Variants in NCL observed in about 807,000 individuals in gnomAD.
The protein encoded by NCL is nucleolin multifunctional protein.
In NCL, 4 loss-of-function variants were observed where a neutral mutation model predicts 77.7. That is an observed-to-expected ratio of 0.05 (90% confidence interval 0.03 to 0.12). NCL has a LOEUF of 0.12. NCL is among the 10% of genes least tolerant of loss of function. The pLI is 1.00. For synonymous variants in NCL, 344 were observed against 297.8 expected (o/e 1.16, Z -1.60); for missense variants, 763 against 860.9 (o/e 0.89, Z 1.42).
chr2:231,460,299 C>T lies in NCL; in HGVS notation c.899-6G>A. The T allele has an allele frequency of 1.2e-6, 2 of 1,612,950 alleles. No homozygotes were observed. Among genetic ancestry groups the T allele is most frequent in the African/African-American group, 1.3e-5 (1 of 74,914 alleles). On this transcript the variant is annotated splice_polypyrimidine_tract_variant and splice_region_variant and intron_variant, in intron 5 of 13. Transcript: ENST00000322723. Reference sequence around the variant, plus strand: ...AGCCGTAGTCGGTTCTGTGCCTGCACAAAAAAAGCTCAACTCAGTCTACTT... The same window carrying T: ...AGCCGTAGTCGGTTCTGTGCCTGCATAAAAAAAGCTCAACTCAGTCTACTT...
chr2:231,462,128 T>A, intron 2 of NCL, 111 bp from the exon 3 acceptor site: 1 of 1,311,658 alleles, frequency 7.6e-7, no homozygotes, highest in Non-Finnish European at 1.1e-6. Context: ...CAAGACCACA[T>A]GCACTAGACA....
In NCL at chr2:231,461,731, T is replaced by C. The variant is rs1387963458; in HGVS notation, c.422A>G (p.Lys141Arg). Residue 141 changes from lysine to arginine, a missense_variant, in exon 3 of 14, where the codon AAG (lysine) becomes AGG (arginine). Around this residue, in one of 2 missense-constraint regions of NCL, gnomAD observed 590 missense variants for 570.5 expected, o/e 1.03. Coordinates refer to ENST00000322723, the MANE Select transcript of NCL (RefSeq NM_005381.3). ...AKGAKNGKNA[K>R]KEDSDEEEDD... Reference sequence around the variant, plus strand: ...CTCCTCTTCATCACTGTCTTCCTTCTTGGCATTCTTGCCATTCTTTGCCCC... The same window carrying C: ...CTCCTCTTCATCACTGTCTTCCTTCCTGGCATTCTTGCCATTCTTTGCCCC... The C allele has an allele frequency of 6.2e-7, 1 of 1,614,140 alleles. No individual in the cohort carries two copies. The highest frequency in any genetic ancestry group is 1.3e-5 in the African/African-American group (1 of 74,952).
chr2:231,457,844 A>C (rs1170894396), intron 8 of NCL, 44 bp from the exon 9 acceptor site: 1 of 1,531,578 alleles, frequency 6.5e-7, no homozygotes, highest in Non-Finnish European at 8.8e-7. Flanking sequence ...AAACCATATT[A>C]ACACAAATGC....
At position 231,462,008 on chromosome 2, in the gene NCL, G is replaced by A. The variant is rs911164959; in HGVS notation, c.145C>T (p.Pro49Ser). The change falls in exon 3 of 14, where the codon CCT becomes TCT. Residue 49 changes from proline to serine, a missense_variant. By Grantham distance (74) the Pro-to-Ser change is moderately conservative. Transcript: ENST00000322723. ...DDSSGEEVVIPQKKGKKAAAT... is the reference protein window; with the variant it reads ...DDSSGEEVVISQKKGKKAAAT... ...GCAGCCTTCTTGCCTTTCTTCTGAG[G>A]TATGACGACCTTGAGAATAAATGAA... 4.3e-6 allele frequency: 7 copies of A among 1,613,934 alleles called. No individual in the cohort carries two copies. Among genetic ancestry groups the A allele is most frequent in the Non-Finnish European group, 5.1e-6 (6 of 1,180,018 alleles).
intron 6 of NCL, among the ~76,000 whole-genome samples, chr2:231,459,620 A>G (rs1343027070): frequency 6.6e-6 from 1 of 151,802 alleles, no homozygotes; most frequent in Admixed American, 6.6e-5. Context: ...CCAAATTATT[A>G]AAACTTACTG....
intron 7 of NCL, 160 bp downstream of exon 7, chr2:231,458,841 G>T: frequency 1.3e-6 from 1 of 796,094 alleles, no homozygotes; most frequent in Non-Finnish European, 1.8e-6. Context: ...AAGTACTCTT[G>T]TAAACACTGT....
chr2:231,463,539 C>T (rs1244537323), intron 1 of NCL: 7 of 527,768 alleles, frequency 1.3e-5, no homozygotes, highest in Non-Finnish European at 2.3e-5. Context: ...GAAAACCTGC[C>T]CTAAGGTAAA....
At position 231,461,679 on chromosome 2, in the gene NCL, C is replaced by A. The variant is rs776805105; in HGVS notation, c.474G>T (p.Glu158Asp). The A allele has an allele frequency of 2.5e-6, 4 of 1,611,940 alleles. No individual in the cohort carries two copies. In the African/African-American group the frequency reaches 4.0e-5, roughly 16 times the overall value. Residue 158 changes from glutamate to aspartate, a missense_variant, in exon 3 of 14, where the codon GAG (glutamate) becomes GAT (aspartate). Physicochemically the swap from Glu to Asp is conservative, Grantham distance 45 (BLOSUM62 2). This residue lies in a region of NCL where 590 missense variants were observed against 570.5 expected (regional missense o/e 1.03). Coordinates refer to ENST00000322723, the MANE Select transcript of NCL (RefSeq NM_005381.3). The stretch of plus-strand genomic sequence containing the variant: ...CATCCTCATCCTCGTCCTCGTCATC[C>A]TCCTCATCCTCCTCACTGTCATCAT... ...EEDDDSEEDE[E>D]DDEDEDEDED...
rs2046897525 is a variant in NCL at position 231,457,084 on chromosome 2, A to G, written c.1488T>C (p.Ser496=). ...KTLVLSNLSY[S]ATEETLQEVF... Reference sequence around the variant, plus strand: ...CTTCCTGAAGAGTTTCTTCTGTTGCACTGTAGGAGAGGTTGCTTAAAACCA... The same window carrying G: ...CTTCCTGAAGAGTTTCTTCTGTTGCGCTGTAGGAGAGGTTGCTTAAAACCA... Residue 496 remains serine (S), a synonymous_variant, in exon 10 of 14, where the codon AGT becomes AGC. Transcript: ENST00000322723. 6.2e-7 allele frequency: 1 copy of G among 1,614,090 alleles called. No individual in the cohort carries two copies. Among genetic ancestry groups the G allele is most frequent in the East Asian group, 2.2e-5 (1 of 44,878 alleles).
intron 3 of NCL, among the ~76,000 whole-genome samples, 182 bp from the exon 4 acceptor site, chr2:231,461,048 G>A (rs1029715667): frequency 6.6e-6 from 1 of 152,292 alleles, no homozygotes; most frequent in South Asian, 2.1e-4. Flanking sequence ...GGAGACCAAG[G>A]TGGGTGGATC....
At chr2:231,462,649 C>G (rs1468400663) in intron 2 of NCL, 1 of 469,492 alleles carries the variant, frequency 2.1e-6, no homozygotes, top group African/African-American at 2.0e-5. Context: ...AACGAGAAAC[C>G]TGAGCACAAT....
Position 231,454,992 on chromosome 2 carries a change from T to TTAAA in NCL, c.*195_*198dup. On this transcript the variant is annotated 3_prime_UTR_variant, in exon 14 of 14. Transcript: ENST00000322723. ...AGGGTTAGCTCTATCACTCAACTCTTTAAAAAGTTTATATGAATATCCAGT... is the reference window on the plus strand; with the variant it reads ...AGGGTTAGCTCTATCACTCAACTCTTTAAATAAAAAGTTTATATGAATATCCAGT... 1 of 567,872 alleles carries TTAAA rather than the reference T, an allele frequency of 1.8e-6. No homozygotes were observed. The highest frequency in any genetic ancestry group is 3.1e-6 in the Non-Finnish European group (1 of 322,206). 35.2% of individuals were successfully genotyped at this position (567,872 alleles called of 1,614,324 possible). A position where few individuals can be genotyped will look rare whatever the true frequency, so the allele number is the denominator to read the frequency against.
In NCL at chr2:231,460,703, T is replaced by G; in HGVS notation, c.777A>C (p.Glu259Asp). The change falls in exon 4 of 14, where the codon GAA becomes GAC. Residue 259 changes from glutamate to aspartate, a missense_variant. By Grantham distance (45) the Glu-to-Asp change is conservative (BLOSUM62 2). This residue lies in a region of NCL where 590 missense variants were observed against 570.5 expected (regional missense o/e 1.03). Transcript: ENST00000322723. Reference sequence around the variant, plus strand: ...CCTCTTCTTCCTCCTCCTCATCATCTTCATCATCATCATCTTCATCATCTT... The same window carrying G: ...CCTCTTCTTCCTCCTCCTCATCATCGTCATCATCATCATCTTCATCATCTT... ...DDEDDEDDDD[E>D]DDEEEEEEEE... 6.2e-7 allele frequency: 1 copy of G among 1,607,630 alleles called. No individual in the cohort carries two copies. Among genetic ancestry groups the G allele is most frequent in the Admixed American group, 1.7e-5 (1 of 59,970 alleles).
rs571942921 is a variant in NCL at position 231,454,049 on chromosome 2, G to A, written c.*1142C>T. On this transcript the variant is annotated 3_prime_UTR_variant, in exon 14 of 14. Transcript: ENST00000322723. ...AGAAAGAATAAGCAATATACGTAGT[G>A]CAGAACAAATGGCTTTTTGGGGGTT... 4.1e-5 allele frequency: 6 copies of A among 146,348 alleles called. No homozygotes were observed. The East Asian group carries it at 5.8e-4, about 14-fold the overall frequency. 9.1% of individuals were successfully genotyped at this position (146,348 alleles called of 1,614,324 possible).
At chr2:231,457,433 G>A in intron 9 of NCL, 1 of 747,230 alleles carries the variant, frequency 1.3e-6, no homozygotes, top group Non-Finnish European at 2.4e-6. Context: ...TTTGCCTACT[G>A]TATTCCAATG....
At chr2:231,464,246 G>C in intron 1 of NCL, 90 bp downstream of exon 1, 6 of 1,526,016 alleles carry the variant, frequency 3.9e-6, no homozygotes, top group Non-Finnish European at 4.4e-6. Flanking sequence ...ACGCGCCCGG[G>C]ACTGCGCGCA....
Position 231,456,682 on chromosome 2 carries a change from C to T in NCL, c.1654G>A (p.Ala552Thr), listed in dbSNP as rs758211775. Residue 552 changes from alanine to threonine, a missense_variant, in exon 11 of 14, where the codon GCA becomes ACA. Coordinates refer to ENST00000322723, the MANE Select transcript of NCL (RefSeq NM_005381.3). ...GGTCCTTGCAACTCCAGCCTGATTG[C>T]TCTGCCCTCAATTTCCCTTTTATTA... ...SCNKREIEGRAIRLELQGPRG... is the reference protein window; with the variant it reads ...SCNKREIEGRTIRLELQGPRG... 9.3e-6 allele frequency: 15 copies of T among 1,614,166 alleles called. No homozygotes were observed. The South Asian group carries it at 1.3e-4, about 14-fold the overall frequency.
Position 231,460,794 on chromosome 2 carries a change from G to A in NCL, c.686C>T (p.Ala229Val), listed in dbSNP as rs200261825. The change falls in exon 4 of 14, where the codon GCC becomes GTC. Residue 229 changes from alanine to valine, a missense_variant. By Grantham distance (64) the Ala-to-Val change is moderately conservative. Coordinates refer to ENST00000322723, the MANE Select transcript of NCL (RefSeq NM_005381.3). ...ATCTTCATCCTCAGCCACGTTCTTG[G>A]CTTTCACAGGAACAACTTTTGCAGC... ...KKAAKVVPVK[A>V]KNVAEDEDEE... The A allele has an allele frequency of 6.8e-6, 11 of 1,613,874 alleles. No individual in the cohort carries two copies. The East Asian group carries it at 1.3e-4, about 20-fold the overall frequency.
At chr2:231,462,969 C>A in intron 2 of NCL, 1 of 497,546 alleles carries the variant, frequency 2.0e-6, no homozygotes, top group Non-Finnish European at 3.6e-6. Context: ...ACACTCCAAG[C>A]CCTGCAGAGG....
Sources: gnomAD v4.1 joint callset for allele counts (sites outside exome capture counted in the v4.1 genomes callset) on GRCh38, gnomAD v4.1.1 for gene constraint, gnomAD v4.1.1 regional missense constraint, MANE v1.5 for transcripts, NCBI Gene and HGNC (gene_info 2026-07-23, HGNC 2026-07-21) for gene names.